MLLT10: variants seen among roughly 807,000 people sequenced by gnomAD.
MLLT10 encodes the protein protein AF-10.
In MLLT10, 30 loss-of-function variants were observed where a neutral mutation model predicts 129.1. The observed-to-expected ratio is 0.23, with a 90% confidence interval of 0.17 to 0.32. The LOEUF (loss-of-function observed/expected upper bound fraction) is 0.32, where lower values mean the gene tolerates loss of function less well. Ranked by LOEUF, MLLT10 falls within the 10% of genes least tolerant of loss-of-function variation. The pLI, the probability that MLLT10 is intolerant of heterozygous loss-of-function variation, is 1.00. For missense variants in MLLT10, 1,119 were observed against 1,268.3 expected (o/e 0.88, Z 1.79); for synonymous variants, 490 against 446.4 (o/e 1.10, Z -1.23).
At chr10:21,569,970 C>T (rs2040023872) in intron 3 of MLLT10, among the ~76,000 whole-genome samples, 2 of 152,220 alleles carry the variant, frequency 1.3e-5, no homozygotes, top group Middle Eastern at 3.4e-3. Context: ...AGTGCAATGG[C>T]ATGATCTCGG....
intron 3 of MLLT10, among the ~76,000 whole-genome samples, chr10:21,569,023 A>T (rs2039907140): frequency 6.6e-6 from 1 of 152,152 alleles, no homozygotes; most frequent in Non-Finnish European, 1.5e-5. Flanking sequence ...GATTAATATC[A>T]CAGTTGTAAG....
At chr10:21,707,697 A>G (rs983170120) in intron 13 of MLLT10, among the ~76,000 whole-genome samples, 7 of 152,144 alleles carry the variant, frequency 4.6e-5, no homozygotes, top group African/African-American at 1.4e-4. Context: ...GAGTCATACT[A>G]TTTGCCTTTG....
In MLLT10 at chr10:21,718,953, A is replaced by AC. The variant is rs2056946370; in HGVS notation, c.1878+5005dup. 2.6e-5 allele frequency among the ~76,000 whole-genome samples: 4 copies of AC among 152,180 alleles called. No individual in the cohort carries two copies. In the South Asian group the frequency reaches 8.3e-4, roughly 32 times the overall value. The stretch of plus-strand genomic sequence containing the variant: ...TGGCCAGGCTGGTCTCGAACTCCTG[A>AC]CCTCATGATCCACCCACCTTGGCCT... On this transcript the variant is annotated intron_variant, in intron 14 of 22. Transcript: ENST00000307729.
intron 8 of MLLT10, among the ~76,000 whole-genome samples, chr10:21,629,442 A>G (rs1407514086): frequency 6.6e-6 from 1 of 152,124 alleles, no homozygotes. Flanking sequence ...ACGGGTAGGC[A>G]CTGCACAGGT....
chr10:21,564,183 A>T (rs1414673398), intron 3 of MLLT10, among the ~76,000 whole-genome samples: 1 of 152,052 alleles, frequency 6.6e-6, no homozygotes, highest in Admixed American at 6.6e-5. Context: ...TGTCATGATC[A>T]TGGCTTATTG....
chr10:21,559,725 T>G (rs1294160958), intron 3 of MLLT10, among the ~76,000 whole-genome samples: 1 of 152,196 alleles, frequency 6.6e-6, no homozygotes, highest in Non-Finnish European at 1.5e-5. Context: ...GTACGTAGCT[T>G]ATTTCACTTT....
intron 14 of MLLT10, among the ~76,000 whole-genome samples, chr10:21,715,335 G>C (rs1244234384): frequency 6.6e-6 from 1 of 152,208 alleles, no homozygotes; most frequent in Non-Finnish European, 1.5e-5. Flanking sequence ...GAAGATGAAA[G>C]TGAACTATTT....
chr10:21,554,734 A>C lies in MLLT10; in HGVS notation c.240+15822A>C, dbSNP rs577895241. Among the ~76,000 whole-genome samples the C allele has an allele frequency of 3.5e-4, 53 of 151,578 alleles. No homozygotes were observed. The South Asian group carries it at 0.011, about 32-fold the overall frequency. ...CTCGGCCTCCCAAAGTGCTGGGACT[A>C]CAGGCTCTGAGCCACCGGGCCCGGC... is the stretch of plus-strand genomic sequence containing the variant. On this transcript the variant is annotated intron_variant, in intron 3 of 22. Coordinates refer to ENST00000307729, the MANE Select transcript of MLLT10 (RefSeq NM_001195626.3).
intron 13 of MLLT10, among the ~76,000 whole-genome samples, chr10:21,708,002 T>C (rs1054545176): frequency 6.6e-6 from 1 of 152,238 alleles, no homozygotes; most frequent in African/African-American, 2.4e-5. Context: ...CCTTTTTCTC[T>C]TCCATTATAG....
In MLLT10 at chr10:21,660,980, A is replaced by C. The variant is rs369352727; in HGVS notation, c.795+9212A>C. 2.6e-5 allele frequency among the ~76,000 whole-genome samples: 4 copies of C among 151,990 alleles called. No homozygotes were observed. The East Asian group carries it at 5.8e-4, about 22-fold the overall frequency. On this transcript the variant is annotated intron_variant, in intron 9 of 22. Transcript: ENST00000307729. ...AATGCTGCTTTCCCAGCATCTGACA[A>C]ATTTTTATGTTTTATTTTCATTTAG...
chr10:21,731,147 G>T, intron 17 of MLLT10, 93 bp downstream of exon 17: 1 of 1,152,762 alleles, frequency 8.7e-7, no homozygotes. Context: ...ATCCAGAGTA[G>T]TAATGGGATT....
At chr10:21,664,068 G>A (rs2050491124) in intron 9 of MLLT10, among the ~76,000 whole-genome samples, 1 of 152,030 alleles carries the variant, frequency 6.6e-6, no homozygotes, top group Non-Finnish European at 1.5e-5. Context: ...TTGATATGTT[G>A]TGTTTTCATT....
At chr10:21,697,553 A>G (rs900793058) in intron 13 of MLLT10, among the ~76,000 whole-genome samples, 2 of 152,368 alleles carry the variant, frequency 1.3e-5, no homozygotes, top group South Asian at 2.1e-4. Context: ...GTTCAATTGT[A>G]TAGATCATGT....
intron 8 of MLLT10, among the ~76,000 whole-genome samples, chr10:21,642,073 T>G (rs2131296942): frequency 6.6e-6 from 1 of 152,296 alleles, no homozygotes; most frequent in Non-Finnish European, 1.5e-5. Context: ...ATTTCTGGCC[T>G]GGTGCAGTGG....
intron 9 of MLLT10, among the ~76,000 whole-genome samples, chr10:21,655,324 T>G (rs1372130353): frequency 6.6e-6 from 1 of 152,230 alleles, no homozygotes; most frequent in Admixed American, 6.5e-5. Context: ...TGTCAGGGGC[T>G]GAATACTAAG....
chr10:21,544,911 C>T (rs1588828498), intron 3 of MLLT10, among the ~76,000 whole-genome samples: 2 of 152,230 alleles, frequency 1.3e-5, no homozygotes, highest in East Asian at 1.9e-4. Flanking sequence ...TTCGGGAGGC[C>T]GAGGCGGGCG....
chr10:21,653,863 A>G lies in MLLT10; in HGVS notation c.795+2095A>G, dbSNP rs1367341420. On this transcript the variant is annotated intron_variant, in intron 9 of 22. Coordinates refer to ENST00000307729, the MANE Select transcript of MLLT10 (RefSeq NM_001195626.3). ...GAATTATATGCATATGGAGTTATTT[A>G]AAGCCACAAGACTGAATGATACCAC... 2.0e-5 allele frequency among the ~76,000 whole-genome samples: 3 copies of G among 152,248 alleles called. No individual in the cohort carries two copies. In the East Asian group the frequency reaches 5.8e-4, roughly 29 times the overall value.
intron 15 of MLLT10, among the ~76,000 whole-genome samples, chr10:21,727,225 A>G (rs894078145): frequency 6.6e-6 from 1 of 152,234 alleles, no homozygotes; most frequent in Non-Finnish European, 1.5e-5. Context: ...CAGGGGAAAT[A>G]CAAGTTACTT....
intron 9 of MLLT10, among the ~76,000 whole-genome samples, chr10:21,660,871 C>CAAAAAA (rs770411226): frequency 1.2e-5 from 1 of 81,408 alleles, no homozygotes; most frequent in African/African-American, 5.4e-5. Flanking sequence ...AACTCTGTCT[C>CAAAAAA]AAAAAAAAAA....
Sources: gnomAD v4.1 joint callset for allele counts (sites outside exome capture counted in the v4.1 genomes callset) on GRCh38, gnomAD v4.1.1 for gene constraint, MANE v1.5 for transcripts, NCBI Gene and HGNC (gene_info 2026-07-23, HGNC 2026-07-21) for gene names.